NAALADL2: variants seen among roughly 807,000 people sequenced by gnomAD.
NAALADL2 encodes N-acetylated alpha-linked acidic dipeptidase like 2.
A neutral mutation model predicts 87.2 loss-of-function variants in NAALADL2; 76 were observed. That is an observed-to-expected ratio of 0.87 (90% CI 0.72 to 1.05). The LOEUF (loss-of-function observed/expected upper bound fraction) is 1.05. Among genes scored for constraint, NAALADL2 ranks in the 50% least tolerant of loss-of-function variants. The pLI is 0.00. For synonymous variants in NAALADL2, 354 were observed against 331.0 expected, an observed-to-expected ratio of 1.07 and a Z score of -0.75; for missense variants, 1,089 against 945.8, an observed-to-expected ratio of 1.15 and a Z score of -1.99.
chr3:174,834,064 A>C (rs1196204563), intron 3 of NAALADL2, among the ~76,000 whole-genome samples: 1 of 149,828 alleles, frequency 6.7e-6, no homozygotes, highest in Non-Finnish European at 1.5e-5. Context: ...TAAAGGAAGA[A>C]AAATGAATTA....
intron 1 of NAALADL2, among the ~76,000 whole-genome samples, chr3:174,922,309 TAAAA>T (rs35627069): frequency 2.1e-3 from 289 of 137,880 alleles, no homozygotes; most frequent in Admixed American, 3.5e-3. Flanking sequence ...GACCTTATCT[TAAAA>T]AAAAAAAAAA....
chr3:175,179,191 T>A (rs561060185), intron 2 of NAALADL2, among the ~76,000 whole-genome samples: 2 of 152,178 alleles, frequency 1.3e-5, no homozygotes, highest in African/African-American at 4.8e-5. Flanking sequence ...CAGTTGTAGT[T>A]TAATTTGTTA....
At chr3:174,921,464 A>C (rs1008555998) in intron 1 of NAALADL2, among the ~76,000 whole-genome samples, 2 of 152,206 alleles carry the variant, frequency 1.3e-5, no homozygotes, top group African/African-American at 4.8e-5. Flanking sequence ...CAAATGTGAC[A>C]GAAATTTATT....
intron 2 of NAALADL2, among the ~76,000 whole-genome samples, chr3:175,208,797 A>G (rs1442419562): frequency 1.3e-5 from 2 of 152,184 alleles, no homozygotes; most frequent in Non-Finnish European, 2.9e-5. Flanking sequence ...TTTAATAGAT[A>G]ATATTATTTA....
At chr3:174,477,104 A>G (rs1717264289) in intron 1 of NAALADL2, among the ~76,000 whole-genome samples, 2 of 152,096 alleles carry the variant, frequency 1.3e-5, no homozygotes, top group African/African-American at 2.4e-5. Flanking sequence ...TCTCAAAAAA[A>G]AAGAAAATTA....
intron 9 of NAALADL2, among the ~76,000 whole-genome samples, chr3:175,516,874 A>G (rs565637790): frequency 3.3e-5 from 5 of 151,988 alleles, no homozygotes; most frequent in Non-Finnish European, 7.4e-5. Context: ...TTTTTAAGTA[A>G]TTTTCTTACC....
intron 2 of NAALADL2, among the ~76,000 whole-genome samples, chr3:175,160,000 CT>C (rs58734561): frequency 3.4e-4 from 45 of 134,040 alleles, no homozygotes; most frequent in Admixed American, 6.9e-4. Flanking sequence ...CCACTCGTGA[CT>C]TTTTTTTTTT....
chr3:174,770,847 C>CAA (rs11348105), intron 3 of NAALADL2, among the ~76,000 whole-genome samples: 2 of 136,464 alleles, frequency 1.5e-5, no homozygotes, highest in African/African-American at 5.5e-5. Context: ...CTCGGTCTAA[C>CAA]AAAAAAAAAA....
intron 2 of NAALADL2, among the ~76,000 whole-genome samples, chr3:174,561,693 A>G (rs1713639548): frequency 1.3e-5 from 2 of 152,318 alleles, no homozygotes; most frequent in South Asian, 4.1e-4. Flanking sequence ...CAGAAGAATC[A>G]GAAGCCTGAC....
At chr3:174,970,479 A>G (rs575806889) in intron 1 of NAALADL2, among the ~76,000 whole-genome samples, 1 of 152,174 alleles carries the variant, frequency 6.6e-6, no homozygotes, top group Admixed American at 6.5e-5. Context: ...TCAACTTCTC[A>G]TTAATTATAA....
intron 1 of NAALADL2, among the ~76,000 whole-genome samples, chr3:175,076,260 AAGATT>A (rs1271580999): frequency 3.9e-5 from 6 of 152,034 alleles, no homozygotes; most frequent in African/African-American, 9.7e-5. Flanking sequence ...GTCATAAGAA[AAGATT>A]AGATGAGATG....
chr3:175,184,958 G>C (rs1737114491), intron 2 of NAALADL2, among the ~76,000 whole-genome samples: 1 of 152,182 alleles, frequency 6.6e-6, no homozygotes, highest in African/African-American at 2.4e-5. Flanking sequence ...CTATACGATA[G>C]GTTGTATATT....
chr3:175,181,713 G>GTGTGTGTGTGTGTGTATGCATATATA (rs1736526772), intron 2 of NAALADL2, among the ~76,000 whole-genome samples: 1 of 37,062 alleles, frequency 2.7e-5, no homozygotes, highest in African/African-American at 8.6e-5. Context: ...ATGTGTGTGT[G>GTGTGTGTGTGTGTGTATGCATATATA]TGTGTATATA....
intron 3 of NAALADL2, among the ~76,000 whole-genome samples, chr3:174,842,026 A>G (rs1329681630): frequency 6.6e-6 from 1 of 150,550 alleles, no homozygotes; most frequent in Non-Finnish European, 1.5e-5. Flanking sequence ...TTATATTTCC[A>G]TGATCGTGTT....
intron 11 of NAALADL2, among the ~76,000 whole-genome samples, chr3:175,723,241 A>T (rs568275918): frequency 6.6e-6 from 1 of 152,148 alleles, no homozygotes. Context: ...AGCTCTTCAG[A>T]TAGCCCTCGA....
rs150076769 is a variant in NAALADL2, at chr3:175,001,433, A to G, written c.44-95357A>G. ...CACACATTCAGATTTAAGGAGCTCT[A>G]TTCTGCTCCACTTCTGATTGGTGTA... On this transcript the variant is annotated intron_variant, in intron 1 of 13. Transcript: ENST00000454872. Among the ~76,000 whole-genome samples, 80 of 152,246 alleles carry G rather than the reference A, an allele frequency of 5.3e-4. 1 individual carries two copies. The East Asian group carries it at 0.015, about 28-fold the overall frequency.
At chr3:175,480,538 C>A (rs1726306494) in intron 9 of NAALADL2, among the ~76,000 whole-genome samples, 1 of 151,872 alleles carries the variant, frequency 6.6e-6, no homozygotes, top group South Asian at 2.1e-4. Flanking sequence ...TATTCCACAG[C>A]ACCCTTTTTC....
Position 175,580,413 on chromosome 3 carries a change from G to A in NAALADL2, c.1800+4226G>A, listed in dbSNP as rs564490694. 2.6e-5 allele frequency among the ~76,000 whole-genome samples: 4 copies of A among 152,268 alleles called. No individual in the cohort carries two copies. The East Asian group carries it at 7.7e-4, about 29-fold the overall frequency. On this transcript the variant is annotated intron_variant, in intron 10 of 13. Transcript: ENST00000454872. The stretch of plus-strand genomic sequence containing the variant: ...GCTGATTTTTCATGTTTTACTTTAA[G>A]TAGAAGAATTTGTTACTTTCATTAC...
chr3:174,917,205 T>C (rs17586967), intron 1 of NAALADL2, among the ~76,000 whole-genome samples: 4 of 152,078 alleles, frequency 2.6e-5, no homozygotes, highest in African/African-American at 7.2e-5. Context: ...AATTTTCCCA[T>C]AGTCAATTGA....
Sources: gnomAD v4.1 joint callset for allele counts (sites outside exome capture counted in the v4.1 genomes callset) on GRCh38, gnomAD v4.1.1 for gene constraint, MANE v1.5 for transcripts, NCBI Gene and HGNC (gene_info 2026-07-23, HGNC 2026-07-21) for gene names.